PLCH2: variants seen among roughly 807,000 people sequenced by gnomAD.
PLCH2 encodes 1-phosphatidylinositol 4,5-bisphosphate phosphodiesterase eta-2.
In PLCH2, 98 loss-of-function variants were observed where a neutral mutation model predicts 134.7. The observed-to-expected ratio is 0.73, with a 90% CI of 0.62 to 0.86. PLCH2 has a LOEUF of 0.86. Ranked by LOEUF, PLCH2 falls within the 40% of genes least tolerant of loss-of-function variation. The pLI, the probability that PLCH2 is intolerant of heterozygous loss-of-function variation, is 0.00. For missense variants in PLCH2, 1,994 were observed against 1,986.6 expected (o/e 1.00, Z -0.07); for synonymous variants, 974 against 827.5 (o/e 1.18, Z -3.04).
At chr1:2,499,937 T>G in intron 20 of PLCH2, 5 of 605,654 alleles carry the variant, frequency 8.3e-6, no homozygotes, top group Non-Finnish European at 1.2e-5. Flanking sequence ...GGGCTGGCTT[T>G]GGGCATCTCG....
At chr1:2,469,464 C>A (rs920560988) in intron 1 of PLCH2, among the ~76,000 whole-genome samples, 3 of 152,224 alleles carry the variant, frequency 2.0e-5, no homozygotes, top group African/African-American at 7.2e-5. Context: ...CTGGGTCCAG[C>A]CCTCCATCTG....
intron 20 of PLCH2, 168 bp downstream of exon 20, chr1:2,499,888 G>T (rs1215515249): frequency 3.1e-6 from 2 of 639,490 alleles, no homozygotes; most frequent in African/African-American, 1.8e-5. Flanking sequence ...TGCTGTGGGG[G>T]CCTGGCTCCT....
At chr1:2,446,530 TC>T (rs1287519232) in intron 2 of PLCH2, among the ~76,000 whole-genome samples, 33 of 152,098 alleles carry the variant, frequency 2.2e-4, no homozygotes, top group Non-Finnish European at 5.9e-5. Context: ...CCGACCGCCC[TC>T]CGGATTATTC....
Position 2,504,008 on chromosome 1 carries a change from C to T in PLCH2, c.3046C>T (p.Pro1016Ser). Residue 1016 changes from proline to serine, a missense_variant, in exon 22 of 22, where the codon CCC becomes TCC. By Grantham distance (74) the Pro-to-Ser change is moderately conservative. Transcript: ENST00000378486. ...IAEEPAPGPG[P>S]PPPAAVPTSS... ...TGAGGAGCCCGCCCCAGGCCCTGGT[C>T]CCCCGCCACCAGCGGCTGTCCCCAC... 1.3e-6 allele frequency: 2 copies of T among 1,523,630 alleles called. No homozygotes were observed. The highest frequency in any genetic ancestry group is 2.0e-5 in the Admixed American group (1 of 50,710). The allele number at this position is 1,523,630 out of a possible 1,614,324, so 94.4% of individuals were successfully genotyped here.
At chr1:2,466,611 G>A (rs59660650), upstream of PLCH2, among the ~76,000 whole-genome samples, 22,587 of 152,248 alleles carry the variant, frequency 0.15, 2,116 homozygotes, top group East Asian at 0.34. Flanking sequence ...GCCCACATCC[G>A]GGGCTCAGTG....
At chr1:2,417,420 T>TTCCCAGCC in the PLCH2 span, among the ~76,000 whole-genome samples, 29,872 of 151,724 alleles carry the variant, frequency 0.2, 3,339 homozygotes, top group Admixed American at 0.3. Context: ...CCTGCCCAGC[T>TTCCCAGCC]TCCCAGCCTC....
chr1:2,458,044 C>G (rs1640582940), intron 2 of PLCH2, among the ~76,000 whole-genome samples: 1 of 152,122 alleles, frequency 6.6e-6, no homozygotes, highest in Non-Finnish European at 1.5e-5. Flanking sequence ...ACTGGTGCAT[C>G]CCTGCAGGGC....
At chr1:2,452,215 C>T (rs557458738) in intron 2 of PLCH2, among the ~76,000 whole-genome samples, 138 of 152,324 alleles carry the variant, frequency 9.1e-4, no homozygotes, top group South Asian at 6.6e-3. Context: ...CTGGGCCGCA[C>T]GACCCAGGAT....
chr1:2,499,350 C>T (rs894710209), intron 19 of PLCH2, 120 bp downstream of exon 19: 4 of 1,253,862 alleles, frequency 3.2e-6, no homozygotes, highest in Non-Finnish European at 4.4e-6. Flanking sequence ...ACCAAAGAGA[C>T]AGGAGCTGAG....
intron 2 of PLCH2, among the ~76,000 whole-genome samples, chr1:2,455,006 C>T (rs1263298885): frequency 1.3e-5 from 2 of 152,160 alleles, no homozygotes; most frequent in East Asian, 1.9e-4. Flanking sequence ...GTGGCCTGAG[C>T]ACATGCGCCC....
At chr1:2,456,702 C>T (rs183499049) in intron 2 of PLCH2, among the ~76,000 whole-genome samples, 569 of 152,250 alleles carry the variant, frequency 3.7e-3, no homozygotes, top group Non-Finnish European at 6.5e-3. Flanking sequence ...CCTCAGTTTC[C>T]CCCTCTGAAG....
At chr1:2,461,875 A>AG (rs1640817518) in intron 2 of PLCH2, among the ~76,000 whole-genome samples, 1 of 151,618 alleles carries the variant, frequency 6.6e-6, no homozygotes. Flanking sequence ...CATCCCCCCC[A>AG]GGGCCTCTGC....
chr1:2,431,328 T>TGC (rs1233990584), intron 2 of PLCH2, among the ~76,000 whole-genome samples: 1 of 115,214 alleles, frequency 8.7e-6, no homozygotes, highest in Non-Finnish European at 1.9e-5. Flanking sequence ...TGTGCCCAAG[T>TGC]GCGTGTGTGT....
chr1:2,498,052 G>A lies in PLCH2; in HGVS notation c.2224+443G>A. 1 of 227,844 alleles carries A rather than the reference G, an allele frequency of 4.4e-6. No individual in the cohort carries two copies. The highest frequency in any genetic ancestry group is 8.7e-6 in the Non-Finnish European group (1 of 115,526). The allele number at this position is 227,844 out of a possible 1,614,324, so 14.1% of individuals were successfully genotyped here. On this transcript the variant is annotated intron_variant, in intron 16 of 21. Transcript: ENST00000378486. This position sits in a 1 kb window ranked among gnomAD's most constrained non-coding sequence, Gnocchi z 5.4. ...ATGACTTCCAGCTTGGTCCCCCTGT[G>A]GCCCTGGCAGGAGTATCACCATGGG...
rs771606878 is a variant in PLCH2 at position 2,479,741 on chromosome 1, C to T, written c.279C>T (p.Ile93=). The change falls in exon 3 of 22, where the codon ATC becomes ATT. Residue 93 remains isoleucine, a synonymous_variant. Transcript: ENST00000378486. ...SRKNEKAKIS[I]DSIQEVSEGR... ...TCCCTCCCCACCCCGCAGTCTCCATCGACTCCATCCAGGAGGTGAGTGAGG... is the reference window on the plus strand; with the variant it reads ...TCCCTCCCCACCCCGCAGTCTCCATTGACTCCATCCAGGAGGTGAGTGAGG... 23 of 1,540,242 alleles carry T rather than the reference C, an allele frequency of 1.5e-5. No individual in the cohort carries two copies. The highest frequency in any genetic ancestry group is 1.8e-5 in the Non-Finnish European group (21 of 1,138,590).
At chr1:2,468,418 C>T (rs1371912565) in intron 1 of PLCH2, among the ~76,000 whole-genome samples, 1 of 152,254 alleles carries the variant, frequency 6.6e-6, no homozygotes, top group Non-Finnish European at 1.5e-5. Flanking sequence ...CGGGGCTGTT[C>T]ACAGCAGGAG....
intron 16 of PLCH2, 48 bp downstream of exon 16, chr1:2,497,657 G>A (rs898719706): frequency 1.6e-6 from 2 of 1,280,648 alleles, no homozygotes; most frequent in African/African-American, 1.5e-5. Flanking sequence ...GCTCGGATGG[G>A]CCTCCTGGGT....
upstream of PLCH2, among the ~76,000 whole-genome samples, chr1:2,423,265 G>A (rs903316600): frequency 9.9e-5 from 15 of 152,248 alleles, no homozygotes; most frequent in East Asian, 9.7e-4. Flanking sequence ...ACAGTTCACC[G>A]TAACCTCGAA....
upstream of PLCH2, among the ~76,000 whole-genome samples, chr1:2,424,799 A>T (rs1028261854): frequency 6.6e-6 from 1 of 152,226 alleles, no homozygotes; most frequent in Non-Finnish European, 1.5e-5. Context: ...CATCCTGGCT[A>T]ACACAGTGAA....
Sources: allele counts gnomAD v4.1 joint callset (sites outside exome capture counted in the v4.1 genomes callset), GRCh38; gene constraint gnomAD v4.1.1; non-coding constraint Gnocchi (gnomAD v3.1); transcripts MANE v1.5; gene names NCBI Gene and HGNC (gene_info 2026-07-23, HGNC 2026-07-21).